The following PRKCZ variants were observed in gnomAD, a reference collection of about 807,000 sequenced individuals.
PRKCZ encodes protein kinase C zeta type.
A neutral mutation model predicts 79.5 loss-of-function variants in PRKCZ; 33 were observed. The observed-to-expected ratio is 0.41, with a 90% CI of 0.31 to 0.55. The LOEUF is 0.55. Ranked by LOEUF, PRKCZ falls within the 20% of genes least tolerant of loss-of-function variation. The pLI, the probability that PRKCZ is intolerant of heterozygous loss-of-function variation, is 0.19. For missense variants in PRKCZ, 578 were observed against 813.5 expected, an observed-to-expected ratio of 0.71 and a Z score of 3.52; for synonymous variants, 342 against 320.9, an observed-to-expected ratio of 1.07 and a Z score of -0.70.
chr1:2,108,301 C>T (rs1280136581), intron 4 of PRKCZ, among the ~76,000 whole-genome samples: 1 of 152,264 alleles, frequency 6.6e-6, no homozygotes, highest in Non-Finnish European at 1.5e-5. Context: ...CTCACCTCCT[C>T]CAGGAAGCCT....
At chr1:2,072,890 A>G (rs965292439) in intron 4 of PRKCZ, among the ~76,000 whole-genome samples, 3 of 152,084 alleles carry the variant, frequency 2.0e-5, no homozygotes, top group African/African-American at 7.2e-5. Flanking sequence ...ATGTAGGCTC[A>G]GCACGAGTGC....
chr1:2,122,148 A>G (rs1672342244), intron 4 of PRKCZ, among the ~76,000 whole-genome samples: 1 of 3,202 alleles, frequency 3.1e-4, no homozygotes, highest in Non-Finnish European at 5.1e-4. Context: ...CGTGGTGGTT[A>G]GGGTCGTGGT....
At chr1:2,052,999 C>T (rs1220443722) in intron 1 of PRKCZ, among the ~76,000 whole-genome samples, 3 of 152,190 alleles carry the variant, frequency 2.0e-5, no homozygotes, top group Non-Finnish European at 2.9e-5. Flanking sequence ...TCCCCAGGCA[C>T]CTGTGTTTTC....
chr1:2,157,967 C>A (rs1187691263), intron 10 of PRKCZ, among the ~76,000 whole-genome samples: 1 of 152,244 alleles, frequency 6.6e-6, no homozygotes, highest in Non-Finnish European at 1.5e-5. Flanking sequence ...CTGGGTGCAA[C>A]CCTCTGCTGC....
intron 7 of PRKCZ, 134 bp downstream of exon 7, chr1:2,146,242 T>G: frequency 8.4e-6 from 7 of 830,728 alleles, no homozygotes; most frequent in East Asian, 2.7e-5. Context: ...CTGGCCACCC[T>G]TCCCTGGGGC....
intron 11 of PRKCZ, among the ~76,000 whole-genome samples, chr1:2,170,233 C>A (rs1408582343): frequency 2.6e-5 from 4 of 152,150 alleles, no homozygotes; most frequent in African/African-American, 9.7e-5. Flanking sequence ...TATCTTCGGG[C>A]CTCCCCTGGC....
chr1:2,174,820 G>C lies in PRKCZ; in HGVS notation c.1472G>C (p.Gly491Ala). 1 of 1,613,862 alleles carries C rather than the reference G, an allele frequency of 6.2e-7. No homozygotes were observed. The highest frequency in any genetic ancestry group is 8.5e-7 in the Non-Finnish European group (1 of 1,179,744). The change falls in exon 15 of 18, where the codon GGA (glycine) becomes GCA (alanine). Residue 491 changes from glycine (G) to alanine (A), a missense_variant. By Grantham distance (60) the Gly-to-Ala change is moderately conservative (BLOSUM62 0). Around this residue, in one of 4 missense-constraint regions of PRKCZ, gnomAD observed 243 missense variants for 467.0 expected, o/e 0.52. Transcript: ENST00000378567. This position sits in a 1 kb window ranked among gnomAD's most constrained non-coding sequence, Gnocchi z 6.2. ...LSVKASHVLK[G>A]FLNKDPKERL... ...GTCAAAGCCTCCCATGTTTTAAAAG[G>C]ATTTTTAAATAAGGTACGTTTCTGG...
At chr1:2,118,757 G>GTGTGTGTGTGT (rs1557604805) in intron 4 of PRKCZ, among the ~76,000 whole-genome samples, 1 of 124,088 alleles carries the variant, frequency 8.1e-6, no homozygotes, top group Non-Finnish European at 1.6e-5. Context: ...GTGTGTGTGA[G>GTGTGTGTGTGT]ATGAGGGGAG....
rs552426506 is a variant in PRKCZ at position 2,129,801 on chromosome 1, G to A, written c.335-5461G>A. ...CGAGTAGGGACCAGGCAGGGCCTTG[G>A]CCACAGGGAGGCTTCTGGTTACCAG... On this transcript the variant is annotated intron_variant, in intron 4 of 17. Coordinates refer to ENST00000378567, the MANE Select transcript of PRKCZ (RefSeq NM_002744.6). Among the ~76,000 whole-genome samples the A allele has an allele frequency of 4.6e-5, 7 of 152,318 alleles. No homozygotes were observed. In the South Asian group the frequency reaches 1.0e-3, roughly 23 times the overall value.
chr1:2,054,220 A>G (rs1486308644), intron 1 of PRKCZ, among the ~76,000 whole-genome samples: 1 of 152,142 alleles, frequency 6.6e-6, no homozygotes, highest in Non-Finnish European at 1.5e-5. Flanking sequence ...GGGACATCTC[A>G]CACCCCTTCA....
At chr1:2,105,517 G>A (rs567209026) in intron 4 of PRKCZ, among the ~76,000 whole-genome samples, 168 of 152,124 alleles carry the variant, frequency 1.1e-3, no homozygotes, top group Non-Finnish European at 2.1e-3. Context: ...CTCTTGCCTC[G>A]GCCTCCCGAG....
chr1:2,126,942 C>G (rs1026336856), intron 4 of PRKCZ, among the ~76,000 whole-genome samples: 1 of 152,208 alleles, frequency 6.6e-6, no homozygotes, highest in African/African-American at 2.4e-5. Flanking sequence ...CCCACAGGGC[C>G]GGGTTCTGCC....
rs995925353 is a variant in PRKCZ at position 2,174,597 on chromosome 1, G to C, written c.1406-157G>C. On this transcript the variant is annotated intron_variant, in intron 14 of 17. Coordinates refer to ENST00000378567, the MANE Select transcript of PRKCZ (RefSeq NM_002744.6). The surrounding 1 kb of genome is among the most constrained non-coding windows in gnomAD (Gnocchi z 6.2). ...AGGAGGCCCAGGGAGGACCCGGCGG[G>C]ACTCCGGGTTATAGATATTGCTGGG... Among the ~76,000 whole-genome samples the C allele has an allele frequency of 6.6e-6, 1 of 152,244 alleles. No individual in the cohort carries two copies. Among genetic ancestry groups the C allele is most frequent in the Non-Finnish European group, 1.5e-5 (1 of 68,034 alleles).
At chr1:2,161,661 C>T (rs1317887717) in intron 10 of PRKCZ, among the ~76,000 whole-genome samples, 2 of 152,318 alleles carry the variant, frequency 1.3e-5, no homozygotes, top group African/African-American at 4.8e-5. Flanking sequence ...GGTGTCATTG[C>T]CATTCGGGGT....
At chr1:2,160,119 C>CT (rs1241451081) in intron 10 of PRKCZ, among the ~76,000 whole-genome samples, 1 of 152,202 alleles carries the variant, frequency 6.6e-6, no homozygotes, top group Non-Finnish European at 1.5e-5. Flanking sequence ...AGAACAAACA[C>CT]ACACCTTTGC....
chr1:2,170,732 G>A (rs1040025821), intron 11 of PRKCZ, among the ~76,000 whole-genome samples: 2 of 152,224 alleles, frequency 1.3e-5, no homozygotes, highest in African/African-American at 2.4e-5. Context: ...GGACCTCATC[G>A]GAGTGGAATC....
chr1:2,172,822 C>T lies in PRKCZ; in HGVS notation c.1285+434C>T, dbSNP rs1376523108. Among the ~76,000 whole-genome samples, 1 of 152,232 alleles carries T rather than the reference C, an allele frequency of 6.6e-6. No individual in the cohort carries two copies. The highest frequency in any genetic ancestry group is 2.4e-5 in the African/African-American group (1 of 41,452). ...CGTGCACACCAGAGTGTTTCTGCTC[C>T]TCTCCCCTCTCTGGGCGTGAAACGG... On this transcript the variant is annotated intron_variant, in intron 13 of 17. Coordinates refer to ENST00000378567, the MANE Select transcript of PRKCZ (RefSeq NM_002744.6). This position sits in a 1 kb window ranked among gnomAD's most constrained non-coding sequence, Gnocchi z 7.8.
chr1:2,185,243 G>A lies in PRKCZ; in HGVS notation c.*234G>A, dbSNP rs777741892. ...AGGAACTTGCTGCTGTGCCTGCGTC[G>A]CGGCGGATCCGCGGGGACCCTGCCG... On this transcript the variant is annotated 3_prime_UTR_variant, in exon 18 of 18. Transcript: ENST00000378567. The A allele has an allele frequency of 1.5e-5, 11 of 711,220 alleles. No homozygotes were observed. The highest frequency in any genetic ancestry group is 8.0e-5 in the Admixed American group (4 of 49,938). The allele number at this position is 711,220 out of a possible 1,614,324, so 44.1% of individuals were successfully genotyped here. A position where few individuals can be genotyped will look rare whatever the true frequency, so the allele number is the denominator to read the frequency against.
intron 4 of PRKCZ, among the ~76,000 whole-genome samples, chr1:2,117,722 T>G (rs1185546515): frequency 6.6e-6 from 1 of 152,232 alleles, no homozygotes; most frequent in African/African-American, 2.4e-5. Flanking sequence ...AGGTTCTATT[T>G]TATTCCTAGT....
Sources: gnomAD v4.1 joint callset for allele counts (sites outside exome capture counted in the v4.1 genomes callset) on GRCh38, gnomAD v4.1.1 for gene constraint, gnomAD v4.1.1 regional missense constraint, Gnocchi (gnomAD v3.1) non-coding constraint, MANE v1.5 for transcripts, NCBI Gene and HGNC (gene_info 2026-07-23, HGNC 2026-07-21) for gene names.